The following GRIK1 variants were observed in gnomAD, a reference collection of about 807,000 sequenced individuals.
GRIK1 encodes glutamate ionotropic receptor kainate type subunit 1.
GRIK1 carries 69 observed loss-of-function variants against 105.7 expected under a neutral mutation model. That is an observed-to-expected ratio of 0.65 (90% CI 0.54 to 0.80). The LOEUF (loss-of-function observed/expected upper bound fraction) is 0.80, where lower values mean the gene tolerates loss of function less well. Among genes scored for constraint, GRIK1 ranks in the 30% least tolerant of loss-of-function variants. The pLI is 0.00. For missense variants in GRIK1, 1,109 were observed against 1,167.3 expected, an observed-to-expected ratio of 0.95 and a Z score of 0.73; for synonymous variants, 438 against 431.3, an observed-to-expected ratio of 1.02 and a Z score of -0.19.
At chr21:29,812,562 T>G (rs930679047) in intron 1 of GRIK1, among the ~76,000 whole-genome samples, 1 of 152,180 alleles carries the variant, frequency 6.6e-6, no homozygotes, top group African/African-American at 2.4e-5. Flanking sequence ...ATGTTGAGAA[T>G]GCAAGTGTGC....
intron 1 of GRIK1, among the ~76,000 whole-genome samples, chr21:29,854,917 G>A (rs2068418926): frequency 6.6e-6 from 1 of 152,194 alleles, no homozygotes; most frequent in African/African-American, 2.4e-5. Context: ...GTTTAGTAAT[G>A]CTTCATCCAG....
chr21:29,925,842 C>T (rs1347022257), intron 1 of GRIK1, among the ~76,000 whole-genome samples: 3 of 152,144 alleles, frequency 2.0e-5, no homozygotes, highest in Non-Finnish European at 4.4e-5. Flanking sequence ...ACAGATACCA[C>T]TCTTTAGTCT....
intron 14 of GRIK1, among the ~76,000 whole-genome samples, chr21:29,570,274 C>T (rs1476372418): frequency 2.0e-5 from 3 of 151,806 alleles, no homozygotes; most frequent in East Asian, 1.9e-4. Flanking sequence ...AGGCCGAAGC[C>T]GGTGGATTAC....
At chr21:29,928,020 A>G (rs2071443465) in intron 1 of GRIK1, among the ~76,000 whole-genome samples, 1 of 152,188 alleles carries the variant, frequency 6.6e-6, no homozygotes. Flanking sequence ...ACAGTTGTTC[A>G]ACCTTTTGGC....
chr21:29,643,918 A>C (rs1193339021), intron 6 of GRIK1, among the ~76,000 whole-genome samples: 1 of 152,036 alleles, frequency 6.6e-6, no homozygotes, highest in Non-Finnish European at 1.5e-5. Flanking sequence ...ATGCACACAC[A>C]CACACACACA....
chr21:29,642,233 G>A (rs894847400), intron 7 of GRIK1, among the ~76,000 whole-genome samples: 1 of 152,138 alleles, frequency 6.6e-6, no homozygotes, highest in South Asian at 2.1e-4. Context: ...AAAAGGTGGA[G>A]GACAGTCCAG....
intron 1 of GRIK1, among the ~76,000 whole-genome samples, chr21:29,773,774 A>G (rs766007672): frequency 2.6e-5 from 4 of 152,216 alleles, no homozygotes; most frequent in Non-Finnish European, 5.9e-5. Flanking sequence ...GTTGACATCA[A>G]CATCTCAGCA....
At chr21:29,629,226 G>GTGTGTGTT (rs2062205934) in intron 7 of GRIK1, among the ~76,000 whole-genome samples, 1 of 150,572 alleles carries the variant, frequency 6.6e-6, no homozygotes, top group African/African-American at 2.4e-5. Flanking sequence ...GTGTGTGTGT[G>GTGTGTGTT]TGTGTGTGCT....
chr21:29,694,776 T>G (rs908443543), intron 1 of GRIK1, among the ~76,000 whole-genome samples: 3 of 152,166 alleles, frequency 2.0e-5, no homozygotes, highest in Non-Finnish European at 4.4e-5. Context: ...ATCTTTCTAT[T>G]CAGAAGCCTA....
chr21:29,692,629 A>AG (rs2063606219), intron 2 of GRIK1, among the ~76,000 whole-genome samples: 3 of 151,898 alleles, frequency 2.0e-5, no homozygotes, highest in Admixed American at 6.5e-5. Context: ...GCTGGAGTGC[A>AG]GTGGTGCAAT....
chr21:29,779,111 T>C (rs1300178563), intron 1 of GRIK1, among the ~76,000 whole-genome samples: 1 of 152,212 alleles, frequency 6.6e-6, no homozygotes, highest in Non-Finnish European at 1.5e-5. Flanking sequence ...AGGATGAGTA[T>C]CTGAAAAGAA....
chr21:29,858,519 T>A (rs1281074760), intron 1 of GRIK1, among the ~76,000 whole-genome samples: 1 of 152,124 alleles, frequency 6.6e-6, no homozygotes, highest in African/African-American at 2.4e-5. Flanking sequence ...ATTTCTTATT[T>A]CCTCTCAGTG....
intron 1 of GRIK1, among the ~76,000 whole-genome samples, chr21:29,896,974 G>A (rs1462303831): frequency 3.9e-5 from 6 of 152,156 alleles, no homozygotes; most frequent in Non-Finnish European, 7.3e-5. Flanking sequence ...TCCAAAAGGT[G>A]AGGCAAAAGG....
rs190264563 is a variant in GRIK1, at chr21:29,688,708, C to T, written c.544+1020G>A. Among the ~76,000 whole-genome samples, 867 of 152,172 alleles carry T rather than the reference C, an allele frequency of 5.7e-3. 6 individuals are homozygous for T. The highest frequency in any genetic ancestry group is 0.01 in the Middle Eastern group (3 of 294). ...TTGAAATATAACTTGGGATTCAGTG[C>T]TTTTGCTTCCAAAGTGCTAGTGAAC... On this transcript the variant is annotated intron_variant, in intron 3 of 17. Transcript: ENST00000327783.
rs181954034 is a variant in GRIK1 at position 29,742,448 on chromosome 21, T to C, written c.119-48385A>G. On this transcript the variant is annotated intron_variant, in intron 1 of 17. Coordinates refer to ENST00000327783, the MANE Select transcript of GRIK1 (RefSeq NM_001330994.2). The stretch of plus-strand genomic sequence containing the variant: ...GACCCAGAACAACACTGTATATTAC[T>C]GAGTCACTCAACCCATCTTTAAAGG... Among the ~76,000 whole-genome samples, 30 of 152,356 alleles carry C rather than the reference T, an allele frequency of 2.0e-4. No individual in the cohort carries two copies. In the East Asian group the frequency reaches 5.8e-3, roughly 29 times the overall value.
At chr21:29,600,779 C>T (rs2061503251) in intron 7 of GRIK1, among the ~76,000 whole-genome samples, 1 of 152,196 alleles carries the variant, frequency 6.6e-6, no homozygotes, top group Non-Finnish European at 1.5e-5. Flanking sequence ...CTGTCTCTCA[C>T]TTTTCCCACT....
intron 13 of GRIK1, 41 bp downstream of exon 13, chr21:29,581,384 C>A (rs372954346): frequency 2.7e-6 from 3 of 1,132,052 alleles, no homozygotes; most frequent in South Asian, 1.2e-5. Flanking sequence ...CCTGTCAGCA[C>A]ACTGTGGGAT....
chr21:29,611,444 T>C (rs970710210), intron 7 of GRIK1, among the ~76,000 whole-genome samples: 1 of 152,222 alleles, frequency 6.6e-6, no homozygotes, highest in Non-Finnish European at 1.5e-5. Flanking sequence ...ACCATCCAGA[T>C]GGTTCCTTCA....
chr21:29,929,586 T>C lies in GRIK1; in HGVS notation c.118+9797A>G, dbSNP rs112746407. Reference sequence around the variant, plus strand: ...CTTCTTACGGATCATATTTAATGAATGCTTTATTTCTTAAGTAACCTCACC... The same window carrying C: ...CTTCTTACGGATCATATTTAATGAACGCTTTATTTCTTAAGTAACCTCACC... On this transcript the variant is annotated intron_variant, in intron 1 of 17. Coordinates refer to ENST00000327783, the MANE Select transcript of GRIK1 (RefSeq NM_001330994.2). Among the ~76,000 whole-genome samples the C allele has an allele frequency of 3.2e-3, 485 of 152,354 alleles. 5 individuals are homozygous for C. The highest frequency in any genetic ancestry group is 0.011 in the African/African-American group (461 of 41,596).
Sources: allele counts gnomAD v4.1 joint callset (sites outside exome capture counted in the v4.1 genomes callset), GRCh38; gene constraint gnomAD v4.1.1; transcripts MANE v1.5; gene names NCBI Gene and HGNC (gene_info 2026-07-23, HGNC 2026-07-21).